The following ARIH2 variants were observed in gnomAD, a reference collection of about 807,000 sequenced individuals.
The protein encoded by ARIH2 is E3 ubiquitin-protein ligase ARIH2.
A neutral mutation model predicts 79.8 loss-of-function variants in ARIH2; 12 were observed. The observed-to-expected ratio is 0.15, with a 90% CI of 0.10 to 0.24. The LOEUF (loss-of-function observed/expected upper bound fraction) is 0.24, where lower values mean the gene tolerates loss of function less well. ARIH2 is among the 10% of genes least tolerant of loss of function. The pLI is 1.00. For synonymous variants in ARIH2, 224 were observed against 213.9 expected (o/e 1.05, Z -0.41); for missense variants, 301 against 618.3 (o/e 0.49, Z 5.44).
chr3:48,967,030 G>A, intron 5 of ARIH2, 95 bp from the exon 6 acceptor site: 5 of 1,321,586 alleles, frequency 3.8e-6, no homozygotes, highest in Non-Finnish European at 5.3e-6. Flanking sequence ...GTTGCAGGGT[G>A]AGGATCACTT....
chr3:48,983,108 C>G, intron 15 of ARIH2, 91 bp from the exon 16 acceptor site: 1 of 1,538,324 alleles, frequency 6.5e-7, no homozygotes, highest in Non-Finnish European at 9.0e-7. Flanking sequence ...TTTTTGACTC[C>G]TTGGAGGTCC....
At chr3:48,929,595 A>G (rs944547421) in intron 3 of ARIH2, among the ~76,000 whole-genome samples, 2 of 151,906 alleles carry the variant, frequency 1.3e-5, no homozygotes, top group African/African-American at 4.8e-5. Context: ...TTATTTTTTT[A>G]GGTTATGTAC....
intron 8 of ARIH2, among the ~76,000 whole-genome samples, chr3:48,971,419 AT>A (rs2092229636): frequency 6.6e-6 from 1 of 152,042 alleles, no homozygotes; most frequent in Non-Finnish European, 1.5e-5. Flanking sequence ...TAATTTTTGT[AT>A]TTTTAGTAGA....
At chr3:48,921,830 C>T (rs2084872518) in intron 1 of ARIH2, among the ~76,000 whole-genome samples, 1 of 151,510 alleles carries the variant, frequency 6.6e-6, no homozygotes, top group Non-Finnish European at 1.5e-5. Context: ...TGGCTCACTG[C>T]AGCCTCAACC....
intron 3 of ARIH2, among the ~76,000 whole-genome samples, chr3:48,951,928 TTTC>T (rs1371399933): frequency 1.3e-5 from 2 of 152,132 alleles, no homozygotes; most frequent in South Asian, 2.1e-4. Context: ...TTGTTACTAT[TTTC>T]TTCTTTTTAC....
chr3:48,976,232 A>G (rs2092490712), intron 11 of ARIH2, among the ~76,000 whole-genome samples: 1 of 147,086 alleles, frequency 6.8e-6, no homozygotes, highest in African/African-American at 2.5e-5. Context: ...TTTTTTCCAA[A>G]GATGGAGTTC....
chr3:48,970,748 C>T lies in ARIH2; in HGVS notation c.770+44C>T, dbSNP rs370993848. ...GCTGAGCAGCCCTGGGCTCATGCCC[C>T]ATCCTCCAAAGCACCACTGCTGTTG... On this transcript the variant is annotated intron_variant, in intron 8 of 15. Transcript: ENST00000356401. 3.0e-5 allele frequency: 44 copies of T among 1,471,278 alleles called. No individual in the cohort carries two copies. The African/African-American group carries it at 4.3e-4, about 14-fold the overall frequency. 91.1% of individuals were successfully genotyped at this position (1,471,278 alleles called of 1,614,324 possible). A position where few individuals can be genotyped will look rare whatever the true frequency, so the allele number is the denominator to read the frequency against.
At chr3:48,935,233 CTG>C (rs1467355361) in intron 3 of ARIH2, among the ~76,000 whole-genome samples, 1 of 152,162 alleles carries the variant, frequency 6.6e-6, no homozygotes, top group East Asian at 1.9e-4. Context: ...GGAAAAATAA[CTG>C]TAAACAAAAC....
chr3:48,922,433 A>G (rs781732611), intron 1 of ARIH2: 2 of 151,910 alleles, frequency 1.3e-5, no homozygotes, highest in Non-Finnish European at 2.9e-5. Flanking sequence ...CCTTCCGAGT[A>G]GCTGGGATTA....
chr3:48,974,786 TGA>T, intron 9 of ARIH2, 29 bp from the exon 10 acceptor site: 3 of 1,612,038 alleles, frequency 1.9e-6, no homozygotes, highest in Non-Finnish European at 2.5e-6. Flanking sequence ...TGGTGGTGTG[TGA>T]GCCTAATGGC....
chr3:48,975,140 A>G (rs1205482070), intron 11 of ARIH2, 161 bp downstream of exon 11: 3 of 1,264,852 alleles, frequency 2.4e-6, no homozygotes, highest in African/African-American at 3.0e-5. Context: ...TTTTATTTTT[A>G]TTTTCTGTTT....
intron 1 of ARIH2, chr3:48,919,423 A>C: frequency 6.2e-5 from 20 of 323,342 alleles, no homozygotes; most frequent in East Asian, 1.0e-4. Flanking sequence ...CCGCGCGAAT[A>C]TCCCGGAGCC....
At chr3:48,958,861 A>G (rs1474436014) in intron 3 of ARIH2, among the ~76,000 whole-genome samples, 9 of 152,048 alleles carry the variant, frequency 5.9e-5, no homozygotes, top group Admixed American at 5.9e-4. Flanking sequence ...CAAAATATAA[A>G]AAAATTAGCT....
intron 3 of ARIH2, among the ~76,000 whole-genome samples, chr3:48,952,417 A>G (rs548061726): frequency 2.4e-4 from 36 of 152,208 alleles, no homozygotes; most frequent in Non-Finnish European, 3.7e-4. Context: ...ACAAGGTAGG[A>G]ACTGATCCTG....
chr3:48,919,371 C>T, intron 1 of ARIH2: 2 of 485,418 alleles, frequency 4.1e-6, no homozygotes, highest in Non-Finnish European at 6.7e-6. Flanking sequence ...CGCGGTTTAA[C>T]GCCCGCCTGT....
At chr3:48,969,613 G>A (rs1212646776) in intron 7 of ARIH2, among the ~76,000 whole-genome samples, 2 of 150,964 alleles carry the variant, frequency 1.3e-5, no homozygotes, top group African/African-American at 4.9e-5. Context: ...TTAGCCTCCC[G>A]AGCAACTGGG....
At chr3:48,965,195 A>G (rs969521269) in intron 5 of ARIH2, among the ~76,000 whole-genome samples, 1 of 85,254 alleles carries the variant, frequency 1.2e-5, no homozygotes, top group Non-Finnish European at 2.4e-5. Flanking sequence ...TCTACTAAAA[A>G]TACAAAAAAA....
intron 3 of ARIH2, among the ~76,000 whole-genome samples, chr3:48,929,344 C>CTT (rs80236685): frequency 6.9e-6 from 1 of 144,744 alleles, no homozygotes; most frequent in Non-Finnish European, 1.5e-5. Flanking sequence ...TCCTTCCTTC[C>CTT]TTTTTTTTTT....
At chr3:48,924,394 C>T (rs1158321423) in intron 2 of ARIH2, among the ~76,000 whole-genome samples, 1 of 151,974 alleles carries the variant, frequency 6.6e-6, no homozygotes, top group Non-Finnish European at 1.5e-5. Context: ...CAGAATCTCT[C>T]TGTTGCCTAG....
Sources: allele counts gnomAD v4.1 joint callset (sites outside exome capture counted in the v4.1 genomes callset), GRCh38; gene constraint gnomAD v4.1.1; transcripts MANE v1.5; gene names NCBI Gene and HGNC (gene_info 2026-07-23, HGNC 2026-07-21).